The following CTXN2 variants were observed in gnomAD, a reference collection of about 807,000 sequenced individuals.
The protein encoded by CTXN2 is cortexin-2.
CTXN2 carries 3 observed loss-of-function variants against 5.7 expected under a neutral mutation model. That is an observed-to-expected ratio of 0.53 (90% CI 0.24 to 1.36). CTXN2 has a LOEUF of 1.36. CTXN2 is among the 40% of genes most tolerant of loss of function. The pLI is 0.17. For synonymous variants in CTXN2, 38 were observed against 36.4 expected, an observed-to-expected ratio of 1.04 and a Z score of -0.16; for missense variants, 87 against 93.0, an observed-to-expected ratio of 0.94 and a Z score of 0.26.
intron 1 of CTXN2, among the ~76,000 whole-genome samples, chr15:48,179,819 C>T (rs1446353578): frequency 6.6e-6 from 1 of 152,184 alleles, no homozygotes; most frequent in Non-Finnish European, 1.5e-5. Flanking sequence ...TTTCCCACAG[C>T]ACTAAATTAT....
At chr15:48,192,488 C>G (rs985236790) in intron 1 of CTXN2, 19 of 152,270 alleles carry the variant, frequency 1.2e-4, no homozygotes, top group African/African-American at 4.6e-4. Flanking sequence ...ACATTCGATT[C>G]TTAATGATTA....
At position 48,203,329 on chromosome 15, in the gene CTXN2, C is replaced by A. The variant is rs1376149255; in HGVS notation, c.*1783C>A. The A allele has an allele frequency of 6.0e-6, 1 of 167,080 alleles. No individual in the cohort carries two copies. The highest frequency in any genetic ancestry group is 1.5e-5 in the Non-Finnish European group (1 of 68,140). The allele number at this position is 167,080 out of a possible 1,614,324, so 10.3% of individuals were successfully genotyped here. ...AACATATCTGTTATTAGCTATGGAT[C>A]TTCTGGACCAAATCCTCACCTCAAG... On this transcript the variant is annotated 3_prime_UTR_variant, in exon 2 of 2. Coordinates refer to ENST00000417307, the MANE Select transcript of CTXN2 (RefSeq NM_001145668.2).
At chr15:48,200,205 AAC>A (rs1403723233) in intron 1 of CTXN2, among the ~76,000 whole-genome samples, 1 of 152,178 alleles carries the variant, frequency 6.6e-6, no homozygotes, top group Non-Finnish European at 1.5e-5. Flanking sequence ...AGAAAATACC[AAC>A]AGTCTATTAT....
At chr15:48,182,767 G>A (rs2040710416) in intron 1 of CTXN2, among the ~76,000 whole-genome samples, 1 of 152,184 alleles carries the variant, frequency 6.6e-6, no homozygotes, top group South Asian at 2.1e-4. Context: ...AGGATTTAAT[G>A]CATAAAGTCT....
At chr15:48,194,014 T>A (rs2040852642) in intron 1 of CTXN2, among the ~76,000 whole-genome samples, 1 of 152,132 alleles carries the variant, frequency 6.6e-6, no homozygotes, top group Non-Finnish European at 1.5e-5. Flanking sequence ...ATTGCTTAAC[T>A]TTTTACTTCT....
rs1256496743 is a variant in CTXN2, at chr15:48,201,208, A to C, written c.-57-36A>C. 5.3e-6 allele frequency: 7 copies of C among 1,332,170 alleles called. No homozygotes were observed. In the African/African-American group the frequency reaches 7.3e-5, roughly 14 times the overall value. The allele number at this position is 1,332,170 out of a possible 1,614,324, so 82.5% of individuals were successfully genotyped here. On this transcript the variant is annotated intron_variant, in intron 1 of 1. Transcript: ENST00000417307. ...GCAACAACCTACCCAATACCATACAAGGGTAAAACTAAACTGAGTCCAATT... is the reference window on the plus strand; with the variant it reads ...GCAACAACCTACCCAATACCATACACGGGTAAAACTAAACTGAGTCCAATT...
chr15:48,195,086 G>A (rs1043552146), intron 1 of CTXN2, among the ~76,000 whole-genome samples: 9 of 152,252 alleles, frequency 5.9e-5, no homozygotes, highest in African/African-American at 2.2e-4. Flanking sequence ...TGCCACACAT[G>A]AGTACCACAA....
At chr15:48,193,195 C>A (rs535891732) in intron 1 of CTXN2, among the ~76,000 whole-genome samples, 1 of 152,064 alleles carries the variant, frequency 6.6e-6, no homozygotes, top group Non-Finnish European at 1.5e-5. Flanking sequence ...AATCTTGGTG[C>A]CTGACAATTG....
At position 48,201,294 on chromosome 15, in the gene CTXN2, G is replaced by A. The variant is rs531516997; in HGVS notation, c.-7G>A. Reference sequence around the variant, plus strand: ...TGTGAAGAGCCACAACAATGTGCCAGTGAATAATGAGTAGTACCTACTGTG... The same window carrying A: ...TGTGAAGAGCCACAACAATGTGCCAATGAATAATGAGTAGTACCTACTGTG... On this transcript the variant is annotated 5_prime_UTR_variant, in exon 2 of 2. In the 5' UTR this introduces an upstream ATG that the reference lacks. Transcript: ENST00000417307. 1.9e-5 allele frequency: 29 copies of A among 1,550,728 alleles called. No individual in the cohort carries two copies. The East Asian group carries it at 6.1e-4, about 33-fold the overall frequency.
chr15:48,194,879 A>T (rs529838152), intron 1 of CTXN2, among the ~76,000 whole-genome samples: 1 of 152,150 alleles, frequency 6.6e-6, no homozygotes, highest in African/African-American at 2.4e-5. Flanking sequence ...GGCAAAACTC[A>T]ACAATTCTTT....
At chr15:48,189,158 C>T (rs2040788686), upstream of CTXN2, 1 of 152,120 alleles carries the variant, frequency 6.6e-6, no homozygotes, top group Non-Finnish European at 1.5e-5. Context: ...TACCAAGGAA[C>T]CTAATTTATA....
chr15:48,197,247 A>T (rs2040888261), intron 1 of CTXN2, among the ~76,000 whole-genome samples: 1 of 151,950 alleles, frequency 6.6e-6, no homozygotes, highest in South Asian at 2.1e-4. Context: ...ATTCTTCCAA[A>T]TATTTTCATG....
At chr15:48,189,126 G>A (rs1318773460), upstream of CTXN2, 1 of 152,100 alleles carries the variant, frequency 6.6e-6, no homozygotes, top group African/African-American at 2.4e-5. Context: ...CTTGAAAAGG[G>A]TCAGGGTCAT....
chr15:48,195,422 A>T (rs182326130), intron 1 of CTXN2, among the ~76,000 whole-genome samples: 2 of 152,146 alleles, frequency 1.3e-5, no homozygotes, highest in Admixed American at 1.3e-4. Flanking sequence ...TCATCAAGCC[A>T]CTCAGCCTTT....
chr15:48,184,324 T>A (rs1466401848), intron 1 of CTXN2, among the ~76,000 whole-genome samples: 1 of 152,168 alleles, frequency 6.6e-6, no homozygotes, highest in Non-Finnish European at 1.5e-5. Context: ...AGAACTCTGA[T>A]ACCAAATATA....
chr15:48,191,533 A>G (rs531425991), upstream of CTXN2: 1 of 358,804 alleles, frequency 2.8e-6, no homozygotes, highest in South Asian at 2.1e-5. Flanking sequence ...TCAGTCTCAC[A>G]TACACACACA....
At position 48,201,791 on chromosome 15, in the gene CTXN2, TC is replaced by T; in HGVS notation, c.*246del. ...AGGATGGCTGCCGCCATGTTTACCA[TC>T]TTTATTCTTATCTTGAACAACTGCC... On this transcript the variant is annotated 3_prime_UTR_variant, in exon 2 of 2. Transcript: ENST00000417307. The T allele has an allele frequency of 2.1e-6, 1 of 482,480 alleles. No individual in the cohort carries two copies. Among genetic ancestry groups the T allele is most frequent in the Non-Finnish European group, 3.8e-6 (1 of 260,082 alleles). 29.9% of individuals were successfully genotyped at this position (482,480 alleles called of 1,614,324 possible).
intron 1 of CTXN2, among the ~76,000 whole-genome samples, chr15:48,179,181 C>A (rs1225785811): frequency 6.6e-6 from 1 of 152,076 alleles, no homozygotes; most frequent in Admixed American, 6.6e-5. Context: ...TAATCTTTCA[C>A]ATTGACATAA....
intron 1 of CTXN2, chr15:48,178,452 G>C: frequency 2.0e-6 from 1 of 499,046 alleles, no homozygotes; most frequent in Non-Finnish European, 3.3e-6. Context: ...AGCCATGGGA[G>C]CTGGGGTCAG....
Sources: allele counts gnomAD v4.1 joint callset (sites outside exome capture counted in the v4.1 genomes callset), GRCh38; gene constraint gnomAD v4.1.1; transcripts MANE v1.5; gene names NCBI Gene and HGNC (gene_info 2026-07-23, HGNC 2026-07-21).